Variants in NRDC observed in about 807,000 individuals in gnomAD.
NRDC encodes nardilysin.
NRDC carries 54 observed loss-of-function variants against 147.1 expected under a neutral mutation model. That is an observed-to-expected ratio of 0.37 (90% CI 0.29 to 0.46). NRDC has a LOEUF of 0.46. Among genes scored for constraint, NRDC ranks in the 20% least tolerant of loss-of-function variants. NRDC has a pLI of 1.00. For synonymous variants in NRDC, 440 were observed against 482.1 expected, an observed-to-expected ratio of 0.91 and a Z score of 1.14; for missense variants, 1,082 against 1,370.6, an observed-to-expected ratio of 0.79 and a Z score of 3.33.
intron 10 of NRDC, among the ~76,000 whole-genome samples, chr1:51,817,068 G>A (rs1224049120): frequency 1.3e-5 from 2 of 152,064 alleles, no homozygotes; most frequent in Admixed American, 6.5e-5. Context: ...CTACCACAAA[G>A]ACATACAGAA....
At chr1:51,790,876 A>C (rs1215703831) in intron 28 of NRDC, 24 bp downstream of exon 28, 1 of 1,596,580 alleles carries the variant, frequency 6.3e-7, no homozygotes, top group Admixed American at 1.7e-5. Flanking sequence ...GCCAAAGGCC[A>C]AAAGACCAGG....
At position 51,823,877 on chromosome 1, in the gene NRDC, T is replaced by A. The variant is rs1571870476; in HGVS notation, c.1037-91A>T. ...TCAATGCATATTTTGCTACCATACA[T>A]GATTAATGAAATAACCCAAGGGACT... On this transcript the variant is annotated intron_variant, in intron 6 of 30. Transcript: ENST00000352171. The A allele has an allele frequency of 1.1e-5, 9 of 829,984 alleles. No individual in the cohort carries two copies. The South Asian group carries it at 1.6e-4, about 14-fold the overall frequency. 51.4% of individuals were successfully genotyped at this position (829,984 alleles called of 1,614,324 possible).
At chr1:51,790,162 T>TG in intron 29 of NRDC, among the ~76,000 whole-genome samples, 1 of 152,224 alleles carries the variant, frequency 6.6e-6, no homozygotes, top group Non-Finnish European at 1.5e-5. Flanking sequence ...TTTACTACTT[T>TG]GGAATAGAAG....
chr1:51,862,544 G>C (rs1327209319), intron 1 of NRDC: 6 of 151,952 alleles, frequency 3.9e-5, no homozygotes. Context: ...GCAACAAAAG[G>C]AGACCTCATC....
intron 1 of NRDC, among the ~76,000 whole-genome samples, chr1:51,846,680 C>T (rs1168128427): frequency 1.3e-5 from 2 of 152,176 alleles, no homozygotes; most frequent in African/African-American, 4.8e-5. Flanking sequence ...TAGTGAGAAC[C>T]CAAAAAGTGA....
intron 8 of NRDC, 38 bp from the exon 9 acceptor site, chr1:51,819,911 A>G: frequency 6.7e-7 from 1 of 1,486,136 alleles, no homozygotes; most frequent in Non-Finnish European, 9.3e-7. Flanking sequence ...TTAACTGGCA[A>G]AAGCCTTTAT....
At chr1:51,842,025 A>G (rs1222430414) in intron 1 of NRDC, among the ~76,000 whole-genome samples, 1 of 152,118 alleles carries the variant, frequency 6.6e-6, no homozygotes, top group Non-Finnish European at 1.5e-5. Context: ...ACAAAAAATT[A>G]GCCTGGCATG....
intron 4 of NRDC, among the ~76,000 whole-genome samples, chr1:51,831,495 T>A (rs1680706417): frequency 1.3e-5 from 2 of 152,150 alleles, no homozygotes; most frequent in Non-Finnish European, 2.9e-5. Context: ...GGTTAAAGTC[T>A]CCTCTGAAGG....
intron 2 of NRDC, among the ~76,000 whole-genome samples, chr1:51,836,944 CTTTT>C (rs201636652): frequency 3.9e-5 from 5 of 128,202 alleles, no homozygotes; most frequent in Non-Finnish European, 3.3e-5. Flanking sequence ...ATGATTGGGA[CTTTT>C]TTTTTTTTTT....
At chr1:51,828,648 T>A (rs959624955) in intron 4 of NRDC, among the ~76,000 whole-genome samples, 5 of 151,998 alleles carry the variant, frequency 3.3e-5, no homozygotes, top group African/African-American at 1.2e-4. Context: ...TATTCAAAGA[T>A]TGGTGTATTG....
At chr1:51,809,918 G>A (rs1334069768) in intron 16 of NRDC, among the ~76,000 whole-genome samples, 25 of 149,078 alleles carry the variant, frequency 1.7e-4, no homozygotes, top group Non-Finnish European at 3.0e-4. Flanking sequence ...AAAAAAAAAA[G>A]AAAAGAAAAA....
At chr1:51,846,259 T>G (rs1430579393) in intron 1 of NRDC, among the ~76,000 whole-genome samples, 1 of 151,988 alleles carries the variant, frequency 6.6e-6, no homozygotes, top group Non-Finnish European at 1.5e-5. Context: ...ACCACAGGCG[T>G]GCACCACCGC....
chr1:51,847,582 C>T (rs1681714294), intron 1 of NRDC, among the ~76,000 whole-genome samples: 1 of 152,230 alleles, frequency 6.6e-6, no homozygotes, highest in Non-Finnish European at 1.5e-5. Context: ...GCTGGCACTG[C>T]TGGGTGACCT....
chr1:51,831,066 T>A (rs112239946), intron 4 of NRDC, among the ~76,000 whole-genome samples: 180 of 152,354 alleles, frequency 1.2e-3, no homozygotes, highest in Non-Finnish European at 2.0e-3. Context: ...TTCTCATTAA[T>A]TTATCCTATT....
chr1:51,870,852 G>A (rs1248064850), intron 1 of NRDC, among the ~76,000 whole-genome samples: 2 of 151,636 alleles, frequency 1.3e-5, no homozygotes, highest in Non-Finnish European at 2.9e-5. Flanking sequence ...ATCTATTACT[G>A]TCTGTATCTT....
rs1000987281 is a variant in NRDC at position 51,873,042 on chromosome 1, C to T, written c.341+5233G>A. 7.9e-5 allele frequency among the ~76,000 whole-genome samples: 12 copies of T among 151,976 alleles called. 1 individual carries two copies. Among genetic ancestry groups the T allele is most frequent in the Admixed American group, 3.9e-4 (6 of 15,252 alleles). On this transcript the variant is annotated intron_variant, in intron 1 of 30. Coordinates refer to ENST00000352171, the MANE Select transcript of NRDC (RefSeq NM_001101662.2). ...GATCATTTTAGCAATATTTGTGTGT[C>T]TGTGTGTGTGTGAAATGAAACACAC...
intron 4 of NRDC, among the ~76,000 whole-genome samples, chr1:51,829,168 A>G (rs1680588745): frequency 6.6e-6 from 1 of 152,046 alleles, no homozygotes; most frequent in South Asian, 2.1e-4. Flanking sequence ...GGCTCAGGTG[A>G]TCCTCCCACC....
chr1:51,848,247 G>A (rs553521251), intron 1 of NRDC, among the ~76,000 whole-genome samples: 22 of 152,290 alleles, frequency 1.4e-4, no homozygotes, highest in African/African-American at 4.3e-4. Context: ...AGGCCAAGGC[G>A]GGCGGATCAC....
rs762665452 is a variant in NRDC, at chr1:51,840,521, G to A, written c.342-7C>T. ...ATTCTGTAATTTGATGTATCTGGGG[G>A]GAGAAAAAAAAAATCACACATTTTG... On this transcript the variant is annotated splice_region_variant and splice_polypyrimidine_tract_variant and intron_variant, in intron 1 of 30. Transcript: ENST00000352171. The A allele has an allele frequency of 1.9e-6, 3 of 1,561,270 alleles. No homozygotes were observed. Among genetic ancestry groups the A allele is most frequent in the Admixed American group, 4.0e-5 (2 of 49,852 alleles).
Sources: allele counts gnomAD v4.1 joint callset (sites outside exome capture counted in the v4.1 genomes callset), GRCh38; gene constraint gnomAD v4.1.1; transcripts MANE v1.5; gene names NCBI Gene and HGNC (gene_info 2026-07-23, HGNC 2026-07-21).